UGT1A9: variants seen among roughly 807,000 people sequenced by gnomAD.
The protein encoded by UGT1A9 is UDP glucuronosyltransferase family 1 member A9, also known as UDP-glucuronosyltransferase 1A9.
In UGT1A9, 35 loss-of-function variants were observed where a neutral mutation model predicts 45.0. The observed-to-expected ratio is 0.78, with a 90% CI of 0.59 to 1.03. UGT1A9 has a LOEUF of 1.03. Ranked by LOEUF, UGT1A9 falls within the 50% of genes least tolerant of loss-of-function variation. The pLI is 0.00. For missense variants in UGT1A9, 687 were observed against 666.6 expected, an observed-to-expected ratio of 1.03 and a Z score of -0.34; for synonymous variants, 278 against 250.6, an observed-to-expected ratio of 1.11 and a Z score of -1.03.
chr2:233,677,649 A>G (rs1229200884), intron 1 of UGT1A9, among the ~76,000 whole-genome samples: 1 of 152,180 alleles, frequency 6.6e-6, no homozygotes, highest in Non-Finnish European at 1.5e-5. Context: ...ACCAGTTAGA[A>G]TGGCTGTTAT....
rs562176339 is a variant in UGT1A9, at chr2:233,684,071, T to C, written c.855+11282T>C. ...ACACCTGGTGTCTGATCTAAGTATA[T>C]TATTTTGTTAGGGATGGAGTATACA... On this transcript the variant is annotated intron_variant, in intron 1 of 4. Transcript: ENST00000354728. Among the ~76,000 whole-genome samples the C allele has an allele frequency of 3.2e-4, 48 of 152,310 alleles. 1 individual carries two copies. Among genetic ancestry groups the C allele is most frequent in the Admixed American group, 6.5e-4 (10 of 15,294 alleles).
chr2:233,729,673 A>G (rs1282991761), intron 1 of UGT1A9: 1 of 1,613,898 alleles, frequency 6.2e-7, no homozygotes, highest in South Asian at 1.1e-5. Flanking sequence ...TTTAGACTTT[A>G]AGGGCACACA....
In UGT1A9 at chr2:233,683,614, C is replaced by T. The variant is rs562687915; in HGVS notation, c.855+10825C>T. On this transcript the variant is annotated intron_variant, in intron 1 of 4. Transcript: ENST00000354728. ...GAATCCCTCATTATTTATTCGGATT[C>T]TGTTTTATTTCCATAAATAAAATTT... Among the ~76,000 whole-genome samples, 107 of 152,184 alleles carry T rather than the reference C, an allele frequency of 7.0e-4. 1 individual carries two copies. The highest frequency in any genetic ancestry group is 2.3e-3 in the African/African-American group (97 of 41,542).
intron 1 of UGT1A9, among the ~76,000 whole-genome samples, chr2:233,730,578 C>A (rs757044136): frequency 1.3e-5 from 2 of 152,094 alleles, no homozygotes; most frequent in Non-Finnish European, 2.9e-5. Context: ...AGTTCAGTTT[C>A]CAGACAGGGA....
intron 1 of UGT1A9, among the ~76,000 whole-genome samples, chr2:233,725,586 A>T (rs1194596370): frequency 6.6e-6 from 1 of 152,166 alleles, no homozygotes; most frequent in Non-Finnish European, 1.5e-5. Flanking sequence ...TTATGACTTA[A>T]CTATTTGACA....
intron 1 of UGT1A9, among the ~76,000 whole-genome samples, chr2:233,739,315 G>A (rs1559383204): frequency 6.6e-6 from 1 of 152,196 alleles, no homozygotes; most frequent in Non-Finnish European, 1.5e-5. Context: ...GTGGAGTTGT[G>A]AGAAGAAGGC....
At chr2:233,717,827 C>T (rs2125656433) in intron 1 of UGT1A9, 1 of 455,482 alleles carries the variant, frequency 2.2e-6, no homozygotes, top group South Asian at 1.6e-5. Context: ...CCGTTCTGTT[C>T]TGGAGGAACC....
intron 1 of UGT1A9, chr2:233,693,000 C>G (rs879529755): frequency 4.3e-6 from 7 of 1,613,882 alleles, no homozygotes; most frequent in Non-Finnish European, 5.9e-6. Flanking sequence ...TTAACTCTTT[C>G]CAGGATGGCC....
At chr2:233,759,701 C>T (rs910973902) in intron 1 of UGT1A9, among the ~76,000 whole-genome samples, 5 of 149,762 alleles carry the variant, frequency 3.3e-5, no homozygotes, top group Non-Finnish European at 5.9e-5. Context: ...CACCTCATGG[C>T]GCGTGCTCGT....
At chr2:233,758,675 G>A (rs1391896558) in intron 1 of UGT1A9, among the ~76,000 whole-genome samples, 10 of 152,156 alleles carry the variant, frequency 6.6e-5, no homozygotes, top group Admixed American at 6.5e-4. Flanking sequence ...CTGTTAATAT[G>A]TCCCATAGGA....
intron 1 of UGT1A9, chr2:233,719,575 C>T: frequency 6.2e-7 from 1 of 1,613,950 alleles, no homozygotes; most frequent in Non-Finnish European, 8.5e-7. Context: ...GTCAGCTATG[C>T]ATCCGTGTGG....
In UGT1A9 at chr2:233,693,744, A is replaced by G. The variant is rs533205358; in HGVS notation, c.855+20955A>G. ...AGAGATGTGGATATAATCACCTTAT[A>G]TCAGAAGGTCTCTGTTTGGCTGTTA... On this transcript the variant is annotated intron_variant, in intron 1 of 4. Transcript: ENST00000354728. 103 of 1,614,126 alleles carry G rather than the reference A, an allele frequency of 6.4e-5. No homozygotes were observed. The highest frequency in any genetic ancestry group is 7.9e-5 in the Non-Finnish European group (93 of 1,180,050).
At chr2:233,710,976 C>A (rs993531240) in intron 1 of UGT1A9, among the ~76,000 whole-genome samples, 3 of 152,198 alleles carry the variant, frequency 2.0e-5, no homozygotes, top group Non-Finnish European at 4.4e-5. Flanking sequence ...GGGGAATATA[C>A]AATCATTCAG....
intron 1 of UGT1A9, among the ~76,000 whole-genome samples, chr2:233,745,157 A>T (rs1409881340): frequency 6.6e-6 from 1 of 151,846 alleles, no homozygotes; most frequent in Non-Finnish European, 1.5e-5. Context: ...TGGAGGGTCA[A>T]ATGTGCATGT....
chr2:233,755,332 C>G, intron 1 of UGT1A9: 1 of 459,718 alleles, frequency 2.2e-6, no homozygotes, highest in Non-Finnish European at 3.7e-6. Flanking sequence ...CCAGCACCCG[C>G]GCACAGGTCA....
intron 1 of UGT1A9, among the ~76,000 whole-genome samples, chr2:233,698,964 G>T (rs996769646): frequency 6.6e-6 from 1 of 152,212 alleles, no homozygotes; most frequent in Non-Finnish European, 1.5e-5. Flanking sequence ...GGCCCTTGGG[G>T]AAGCCCTTTG....
At chr2:233,719,313 C>CT (rs1559364649) in intron 1 of UGT1A9, 6 of 1,613,954 alleles carry the variant, frequency 3.7e-6, no homozygotes, top group Non-Finnish European at 5.1e-6. Flanking sequence ...GGCTAAGTAC[C>CT]TGTCGATTCC....
At chr2:233,721,730 G>A (rs1364085120) in intron 1 of UGT1A9, 3 of 416,596 alleles carry the variant, frequency 7.2e-6, no homozygotes, top group Non-Finnish European at 9.6e-6. Context: ...ACTTGGATAA[G>A]CTTAATGATG....
At position 233,719,606 on chromosome 2, in the gene UGT1A9, G is replaced by A. The variant is rs762263930; in HGVS notation, c.855+46817G>A. The A allele has an allele frequency of 4.3e-6, 7 of 1,614,054 alleles. No individual in the cohort carries two copies. In the East Asian group the frequency reaches 1.3e-4, roughly 31 times the overall value. On this transcript the variant is annotated intron_variant, in intron 1 of 4. Transcript: ENST00000354728. ...TGTGGCTGTTCCGAGGGGACTTTGTGATGGACTACCCCAGGCCGATCATGC... is the reference window on the plus strand; with the variant it reads ...TGTGGCTGTTCCGAGGGGACTTTGTAATGGACTACCCCAGGCCGATCATGC...
Sources: gnomAD v4.1 joint callset for allele counts (sites outside exome capture counted in the v4.1 genomes callset) on GRCh38, gnomAD v4.1.1 for gene constraint, MANE v1.5 for transcripts, NCBI Gene and HGNC (gene_info 2026-07-23, HGNC 2026-07-21) for gene names.